The following EDN3 variants were observed in gnomAD, a reference collection of about 807,000 sequenced individuals.
The protein encoded by EDN3 is endothelin 3, also known as endothelin-3.
Under a neutral mutation model 21.4 loss-of-function variants are expected in EDN3, and 9 were observed. The observed-to-expected ratio is 0.42, with a 90% confidence interval of 0.25 to 0.73. The LOEUF is 0.73. EDN3 is among the 30% of genes least tolerant of loss of function. The pLI is 0.26. For missense variants in EDN3, 327 were observed against 309.4 expected (o/e 1.06, Z -0.43); for synonymous variants, 133 against 126.2 (o/e 1.05, Z -0.36).
At position 59,320,735 on chromosome 20, in the gene EDN3, C is replaced by T. The variant is rs11570339; in HGVS notation, c.366-282C>T. Among the ~76,000 whole-genome samples the T allele has an allele frequency of 3.2e-3, 481 of 152,356 alleles. 4 individuals carry two copies. The highest frequency in any genetic ancestry group is 6.8e-3 in the Middle Eastern group (2 of 294). The stretch of plus-strand genomic sequence containing the variant: ...ACAAGTGCAGGCACACATGCCCAGA[C>T]GCCTGCTGGGCTCCAAGAGTGCTGG... On this transcript the variant is annotated intron_variant, in intron 2 of 4. Coordinates refer to ENST00000337938, the MANE Select transcript of EDN3 (RefSeq NM_207034.3).
Position 59,322,411 on chromosome 20 carries a change from A to G in EDN3, c.582A>G (p.Glu194=). Reference sequence around the variant, plus strand: ...CAGAAAAAACAGACAAAGAAGAGGAAGGGAAGGTGAGAGGTGCCAACAGAG... The same window carrying G: ...CAGAAAAAACAGACAAAGAAGAGGAGGGGAAGGTGAGAGGTGCCAACAGAG... ...RTAEKTDKEE[E]GKVEVKDQQS... Residue 194 remains glutamate (E), a synonymous_variant, in exon 4 of 5, where the codon GAA becomes GAG. Coordinates refer to ENST00000337938, the MANE Select transcript of EDN3 (RefSeq NM_207034.3). The surrounding 1 kb of genome is among the most constrained non-coding windows in gnomAD (Gnocchi z 4.1). The G allele has an allele frequency of 6.2e-7, 1 of 1,614,128 alleles. No homozygotes were observed. Among genetic ancestry groups the G allele is most frequent in the Non-Finnish European group, 8.5e-7 (1 of 1,179,990 alleles).
At chr20:59,311,203 AG>A (rs1196517329) in intron 2 of EDN3, among the ~76,000 whole-genome samples, 1 of 152,112 alleles carries the variant, frequency 6.6e-6, no homozygotes, top group Non-Finnish European at 1.5e-5. Flanking sequence ...GAGACTCAGT[AG>A]TTTGAGGTAA....
At position 59,321,083 on chromosome 20, in the gene EDN3, A is replaced by G; in HGVS notation, c.432A>G (p.Pro144=). The G allele has an allele frequency of 1.2e-6, 2 of 1,614,198 alleles. No individual in the cohort carries two copies. Among genetic ancestry groups the G allele is most frequent in the East Asian group, 2.2e-5 (1 of 44,880 alleles). ...TCCGGGGCAAGAGGTCTGCGGGGCC[A>G]CTTCCAGGGAATCTGCAGCTCTCAC... ...GSFRGKRSAG[P]LPGNLQLSHR... is the part of the protein sequence containing the mutation. The change falls in exon 3 of 5, where the codon CCA becomes CCG. Residue 144 remains proline (P), a synonymous_variant. Transcript: ENST00000337938.
At chr20:59,301,125 G>A (rs1988983245) in intron 1 of EDN3, among the ~76,000 whole-genome samples, 1 of 152,214 alleles carries the variant, frequency 6.6e-6, no homozygotes, top group African/African-American at 2.4e-5. Context: ...TCATGAAACT[G>A]GGGACTTTTC....
intron 2 of EDN3, among the ~76,000 whole-genome samples, chr20:59,304,949 C>T (rs1989297603): frequency 6.6e-6 from 1 of 152,164 alleles, no homozygotes; most frequent in Non-Finnish European, 1.5e-5. Context: ...CTCATCTTTG[C>T]TGTTGCTGAG....
chr20:59,301,448 C>T lies in EDN3; in HGVS notation c.91C>T (p.Arg31Cys). 6.2e-7 allele frequency: 1 copy of T among 1,613,012 alleles called. No individual in the cohort carries two copies. The highest frequency in any genetic ancestry group is 2.2e-5 in the East Asian group (1 of 44,872). ...CTCCCAGTCTGGGGATGCTGGCAGG[C>T]GCGGCGTGTCCCAGGCCCCCACTGC... ...PCSQSGDAGR[R>C]GVSQAPTAAR... The change falls in exon 2 of 5, where the codon CGC (arginine) becomes TGC (cysteine). Residue 31 changes from arginine (R) to cysteine (C), a missense_variant. By Grantham distance (180) the Arg-to-Cys change is radical (BLOSUM62 -3). Transcript: ENST00000337938.
chr20:59,314,071 C>T (rs992496579), intron 2 of EDN3, among the ~76,000 whole-genome samples: 12 of 152,160 alleles, frequency 7.9e-5, no homozygotes, highest in Non-Finnish European at 1.6e-4. Flanking sequence ...TGCCTGCCTC[C>T]ACCTGCTGAA....
rs538768879 is a variant in EDN3, at chr20:59,324,540, A to G, written c.*81A>G. ...AGTTCAGATTTCCACCTCTTTATAG[A>G]CAAGAAGTGAATTTGCCTGGGGCAG... On this transcript the variant is annotated 3_prime_UTR_variant, in exon 5 of 5. Coordinates refer to ENST00000337938, the MANE Select transcript of EDN3 (RefSeq NM_207034.3). The G allele has an allele frequency of 1.3e-5, 21 of 1,597,414 alleles. No individual in the cohort carries two copies. The East Asian group carries it at 4.7e-4, about 36-fold the overall frequency.
intron 4 of EDN3, chr20:59,323,613 TG>T: frequency 2.5e-6 from 1 of 399,250 alleles, no homozygotes; most frequent in East Asian, 3.6e-5. Flanking sequence ...GTAGGAAGCG[TG>T]GGGTGGTTGC....
At chr20:59,318,604 G>C (rs1457252734) in intron 2 of EDN3, among the ~76,000 whole-genome samples, 2 of 152,240 alleles carry the variant, frequency 1.3e-5, no homozygotes, top group Non-Finnish European at 2.9e-5. Context: ...CCCAGGCCTT[G>C]GTGGAGGGGT....
chr20:59,306,441 C>G lies in EDN3; in HGVS notation c.365+4719C>G, dbSNP rs373004041. ...ACATCAGCCGCTCCAGGACAGTGAG[C>G]TGCCAAGTCTCTCCTAATCCCAACA... On this transcript the variant is annotated intron_variant, in intron 2 of 4. Transcript: ENST00000337938. Among the ~76,000 whole-genome samples, 294 of 152,156 alleles carry G rather than the reference C, an allele frequency of 1.9e-3. 1 individual carries two copies. The highest frequency in any genetic ancestry group is 6.5e-3 in the African/African-American group (268 of 41,498).
At chr20:59,314,294 C>A (rs992548885) in intron 2 of EDN3, among the ~76,000 whole-genome samples, 3 of 152,200 alleles carry the variant, frequency 2.0e-5, no homozygotes, top group East Asian at 3.9e-4. Flanking sequence ...GGGGAGACTA[C>A]AAGCCTTCCT....
At chr20:59,306,496 G>A (rs967024297) in intron 2 of EDN3, among the ~76,000 whole-genome samples, 3 of 150,940 alleles carry the variant, frequency 2.0e-5, no homozygotes, top group African/African-American at 4.9e-5. Flanking sequence ...AGATGCCCAG[G>A]CCGGCTTCCC....
Position 59,325,112 on chromosome 20 carries a change from C to T in EDN3, c.*653C>T, listed in dbSNP as rs1052388621. ...GACAAGAAAATGAGAAAGTTAGTAT[C>T]TGCAATACAGAGCTTGTTCCTGTTC... On this transcript the variant is annotated 3_prime_UTR_variant, in exon 5 of 5. Coordinates refer to ENST00000337938, the MANE Select transcript of EDN3 (RefSeq NM_207034.3). The T allele has an allele frequency of 6.2e-6, 1 of 160,040 alleles. No individual in the cohort carries two copies. The highest frequency in any genetic ancestry group is 1.4e-5 in the Non-Finnish European group (1 of 72,216). The allele number at this position is 160,040 out of a possible 1,614,324, so 9.9% of individuals were successfully genotyped here.
rs1990723867 is a variant in EDN3, at chr20:59,324,388, A to T, written c.646A>T (p.Met216Leu). 2 of 1,611,866 alleles carry T rather than the reference A, an allele frequency of 1.2e-6. No individual in the cohort carries two copies. Among genetic ancestry groups the T allele is most frequent in the Non-Finnish European group, 8.5e-7 (1 of 1,178,180 alleles). Residue 216 changes from methionine to leucine, a missense_variant, in exon 5 of 5, where the codon ATG becomes TTG. Physicochemically the swap from Met to Leu is conservative, Grantham distance 15. Coordinates refer to ENST00000337938, the MANE Select transcript of EDN3 (RefSeq NM_207034.3). Reference protein sequence around the residue: ...QALDLHHPKLMPGSGLALAPS... With the variant: ...QALDLHHPKLLPGSGLALAPS... ...TTTAGACCTCCACCATCCAAAGCTC[A>T]TGCCCGGCAGTGGACTCGCCCTCGC...
rs557929604 is a variant in EDN3, at chr20:59,321,612, G to C, written c.542+419G>C. ...GAGTGCAAAAGGCTTATTGGGAGGG[G>C]GGGGAACCCAGCACGTAGGACCATC... On this transcript the variant is annotated intron_variant, in intron 3 of 4. Coordinates refer to ENST00000337938, the MANE Select transcript of EDN3 (RefSeq NM_207034.3). Among the ~76,000 whole-genome samples, 3 of 152,194 alleles carry C rather than the reference G, an allele frequency of 2.0e-5. No homozygotes were observed. In the East Asian group the frequency reaches 5.8e-4, roughly 29 times the overall value.
At chr20:59,309,370 G>A (rs1410297391) in intron 2 of EDN3, among the ~76,000 whole-genome samples, 5 of 152,162 alleles carry the variant, frequency 3.3e-5, no homozygotes, top group Non-Finnish European at 7.3e-5. Flanking sequence ...TGCAGCTGAG[G>A]ACCCCATGGG....
At chr20:59,314,557 T>C (rs1456144406) in intron 2 of EDN3, among the ~76,000 whole-genome samples, 1 of 151,842 alleles carries the variant, frequency 6.6e-6, no homozygotes. Flanking sequence ...GCTTGGCAAA[T>C]TGTAGCTCCA....
intron 2 of EDN3, among the ~76,000 whole-genome samples, chr20:59,306,595 TAAAAAAAAA>T (rs57144708): frequency 9.6e-5 from 6 of 62,454 alleles, no homozygotes; most frequent in Non-Finnish European, 1.2e-4. Context: ...GCATAAAGAG[TAAAAAAAAA>T]AAAAAAAAAA....
Sources: allele counts gnomAD v4.1 joint callset (sites outside exome capture counted in the v4.1 genomes callset), GRCh38; gene constraint gnomAD v4.1.1; non-coding constraint Gnocchi (gnomAD v3.1); transcripts MANE v1.5; gene names NCBI Gene and HGNC (gene_info 2026-07-23, HGNC 2026-07-21).